PPP1R9A: variants seen among roughly 807,000 people sequenced by gnomAD.
PPP1R9A encodes protein phosphatase 1 regulatory subunit 9A.
A neutral mutation model predicts 141.9 loss-of-function variants in PPP1R9A; 59 were observed. That is an observed-to-expected ratio of 0.42 (90% CI 0.34 to 0.52). The LOEUF (loss-of-function observed/expected upper bound fraction) is 0.52, where lower values mean the gene tolerates loss of function less well. Ranked by LOEUF, PPP1R9A falls within the 20% of genes least tolerant of loss-of-function variation. The probability of loss-of-function intolerance (pLI) is 0.10; values close to 1 mark genes in which losing one functional copy is unlikely to be tolerated. For missense variants in PPP1R9A, 1,444 were observed against 1,611.9 expected (o/e 0.90, Z 1.78); for synonymous variants, 500 against 569.7 (o/e 0.88, Z 1.74).
At chr7:95,249,172 C>T (rs886896336) in intron 9 of PPP1R9A, among the ~76,000 whole-genome samples, 3 of 152,042 alleles carry the variant, frequency 2.0e-5, no homozygotes, top group African/African-American at 7.2e-5. Flanking sequence ...CTGGTTATGG[C>T]TTTCTGTTCC....
intron 7 of PPP1R9A, among the ~76,000 whole-genome samples, chr7:95,216,469 G>A (rs1793448648): frequency 6.6e-6 from 1 of 152,134 alleles, no homozygotes; most frequent in Non-Finnish European, 1.5e-5. Context: ...GGTTCCGTAT[G>A]AACTTTAGAG....
At chr7:95,244,313 C>A (rs540117973) in intron 8 of PPP1R9A, among the ~76,000 whole-genome samples, 23 of 152,134 alleles carry the variant, frequency 1.5e-4, no homozygotes, top group Admixed American at 5.9e-4. Context: ...TGGGTTTGTC[C>A]CACAATTTGT....
At chr7:95,023,420 A>G (rs371213976) in intron 2 of PPP1R9A, among the ~76,000 whole-genome samples, 4 of 152,132 alleles carry the variant, frequency 2.6e-5, no homozygotes, top group East Asian at 3.9e-4. Context: ...CTTTTCAAAA[A>G]TGCAGCTCCT....
At chr7:95,019,362 G>A (rs890748998) in intron 2 of PPP1R9A, among the ~76,000 whole-genome samples, 2 of 152,168 alleles carry the variant, frequency 1.3e-5, no homozygotes, top group Non-Finnish European at 2.9e-5. Context: ...CAGCCTGGGC[G>A]ATAGAGCGAG....
At chr7:95,131,590 A>G (rs914631842) in intron 4 of PPP1R9A, among the ~76,000 whole-genome samples, 3 of 151,022 alleles carry the variant, frequency 2.0e-5, no homozygotes, top group African/African-American at 7.3e-5. Flanking sequence ...CTTTTTGCTT[A>G]CGATTGCTTT....
chr7:95,011,655 G>A (rs1398554017), intron 2 of PPP1R9A, among the ~76,000 whole-genome samples: 2 of 152,160 alleles, frequency 1.3e-5, no homozygotes, highest in African/African-American at 2.4e-5. Flanking sequence ...ACTTTCAGTT[G>A]AAATTCTTCA....
At chr7:95,276,793 C>A (rs915361227) in intron 16 of PPP1R9A, among the ~76,000 whole-genome samples, 2 of 152,262 alleles carry the variant, frequency 1.3e-5, no homozygotes, top group Non-Finnish European at 2.9e-5. Context: ...GGACACTTTT[C>A]TCTTGCAAGA....
intron 2 of PPP1R9A, among the ~76,000 whole-genome samples, chr7:94,925,556 A>G (rs553908321): frequency 3.5e-4 from 53 of 152,176 alleles, no homozygotes; most frequent in African/African-American, 1.2e-3. Flanking sequence ...TCTGTTGGGC[A>G]GTGTGTTGTA....
chr7:94,949,371 T>C (rs1796218766), intron 2 of PPP1R9A, among the ~76,000 whole-genome samples: 1 of 152,070 alleles, frequency 6.6e-6, no homozygotes, highest in Admixed American at 6.6e-5. Flanking sequence ...TGAGGACTAT[T>C]GTTGTATTAA....
chr7:95,220,952 C>T (rs1794356624), intron 7 of PPP1R9A, among the ~76,000 whole-genome samples: 1 of 151,950 alleles, frequency 6.6e-6, no homozygotes, highest in African/African-American at 2.4e-5. Context: ...GGTGCCTACC[C>T]CAAACTGGGA....
At chr7:95,103,817 C>A (rs1819147130) in intron 2 of PPP1R9A, among the ~76,000 whole-genome samples, 1 of 152,204 alleles carries the variant, frequency 6.6e-6, no homozygotes, top group Non-Finnish European at 1.5e-5. Flanking sequence ...TGGGAACTCT[C>A]TTTACCCTTT....
chr7:95,150,322 A>T (rs1828424749), intron 4 of PPP1R9A, among the ~76,000 whole-genome samples: 1 of 152,210 alleles, frequency 6.6e-6, no homozygotes, highest in Admixed American at 6.5e-5. Flanking sequence ...TTTATTTTTG[A>T]GACGGAGTCT....
At chr7:95,261,390 C>G (rs1800403756) in intron 12 of PPP1R9A, among the ~76,000 whole-genome samples, 1 of 152,092 alleles carries the variant, frequency 6.6e-6, no homozygotes, top group Non-Finnish European at 1.5e-5. Flanking sequence ...TGAAATAATT[C>G]TGTTTTAATA....
At chr7:95,109,113 A>C (rs1429280032) in intron 2 of PPP1R9A, among the ~76,000 whole-genome samples, 1 of 152,206 alleles carries the variant, frequency 6.6e-6, no homozygotes, top group African/African-American at 2.4e-5. Flanking sequence ...ATGTTTTCCA[A>C]AAAACTATAG....
intron 4 of PPP1R9A, among the ~76,000 whole-genome samples, chr7:95,123,093 A>C (rs1822923493): frequency 6.6e-6 from 1 of 152,112 alleles, no homozygotes. Context: ...TTTAGTAGTT[A>C]ACCAGTTCCT....
chr7:95,281,185 A>T (rs992104819), intron 16 of PPP1R9A, among the ~76,000 whole-genome samples: 1 of 152,220 alleles, frequency 6.6e-6, no homozygotes, highest in South Asian at 2.1e-4. Flanking sequence ...ATGGGGTTTT[A>T]AAATCACAGA....
intron 10 of PPP1R9A, 76 bp from the exon 11 acceptor site, chr7:95,251,686 G>A: frequency 1.5e-6 from 2 of 1,319,608 alleles, no homozygotes; most frequent in East Asian, 2.5e-5. Context: ...ATCCTACTAT[G>A]CAGTTTATTG....
intron 2 of PPP1R9A, among the ~76,000 whole-genome samples, chr7:95,081,324 A>G (rs1310479806): frequency 6.6e-6 from 1 of 152,234 alleles, no homozygotes; most frequent in Non-Finnish European, 1.5e-5. Flanking sequence ...CTGAAATGAC[A>G]TAAATGGAAG....
At chr7:95,076,319 A>T (rs1208291947) in intron 2 of PPP1R9A, among the ~76,000 whole-genome samples, 1 of 152,092 alleles carries the variant, frequency 6.6e-6, no homozygotes, top group Non-Finnish European at 1.5e-5. Context: ...CCCTTCACAG[A>T]CTCACATGGT....
Sources: allele counts gnomAD v4.1 joint callset (sites outside exome capture counted in the v4.1 genomes callset), GRCh38; gene constraint gnomAD v4.1.1; transcripts MANE v1.5; gene names NCBI Gene and HGNC (gene_info 2026-07-23, HGNC 2026-07-21).